Variants in PBX1 observed in about 807,000 individuals in gnomAD.
PBX1 encodes pre-B-cell leukemia transcription factor 1.
Under a neutral mutation model 53.4 loss-of-function variants are expected in PBX1, and 6 were observed. The ratio of observed to expected loss-of-function variants is 0.11; its 90% CI spans 0.06 to 0.22. The LOEUF (loss-of-function observed/expected upper bound fraction) is 0.22. Among genes scored for constraint, PBX1 ranks in the 10% least tolerant of loss-of-function variants. The pLI, the probability that PBX1 is intolerant of heterozygous loss-of-function variation, is 1.00. For synonymous variants in PBX1, 204 were observed against 212.3 expected (o/e 0.96, Z 0.34); for missense variants, 251 against 551.4 (o/e 0.46, Z 5.46).
intron 5 of PBX1, among the ~76,000 whole-genome samples, chr1:164,808,101 G>A (rs1443235887): frequency 1.3e-5 from 2 of 152,122 alleles, no homozygotes; most frequent in South Asian, 2.1e-4. Flanking sequence ...TTGTTATATA[G>A]CCTTTTAAAT....
At chr1:164,681,361 A>T (rs1307378699) in intron 2 of PBX1, among the ~76,000 whole-genome samples, 1 of 152,236 alleles carries the variant, frequency 6.6e-6, no homozygotes, top group Non-Finnish European at 1.5e-5. Flanking sequence ...CTGTATATAC[A>T]TATTCATATG....
chr1:164,781,724 T>C (rs932486496), intron 2 of PBX1, among the ~76,000 whole-genome samples: 4 of 152,146 alleles, frequency 2.6e-5, no homozygotes, highest in African/African-American at 9.7e-5. Context: ...GGGCCTTCTT[T>C]TGCCTCTGCT....
intron 2 of PBX1, chr1:164,769,981 G>A (rs547039790): frequency 6.6e-6 from 1 of 152,266 alleles, no homozygotes; most frequent in South Asian, 2.1e-4. Context: ...AGTGCAAAGA[G>A]CATGGACATT....
intron 2 of PBX1, among the ~76,000 whole-genome samples, chr1:164,870,264 T>C (rs1251754210): frequency 2.5e-5 from 2 of 78,522 alleles, no homozygotes; most frequent in East Asian, 6.6e-4. Context: ...CTTCCTTCCT[T>C]CCTTCTTTCT....
chr1:164,628,355 C>G (rs1658183837), intron 2 of PBX1, among the ~76,000 whole-genome samples: 1 of 152,154 alleles, frequency 6.6e-6, no homozygotes, highest in African/African-American at 2.4e-5. Context: ...CTCTGGGTTG[C>G]AATGGTCTCT....
chr1:164,847,162 T>C lies in PBX1; in HGVS notation c.*486T>C. On this transcript the variant is annotated 3_prime_UTR_variant, in exon 9 of 9. Coordinates refer to ENST00000420696, the MANE Select transcript of PBX1 (RefSeq NM_002585.4). ...AATCCTTCTCTGTTTCTCTTATTAC[T>C]CTCACTACCTCTTAGCAGGAATACT... 9.2e-7 allele frequency: 1 copy of C among 1,087,324 alleles called. No homozygotes were observed. The highest frequency in any genetic ancestry group is 4.5e-5 in the East Asian group (1 of 22,398). The allele number at this position is 1,087,324 out of a possible 1,614,324, so 67.4% of individuals were successfully genotyped here. A position where few individuals can be genotyped will look rare whatever the true frequency, so the allele number is the denominator to read the frequency against.
intron 2 of PBX1, among the ~76,000 whole-genome samples, chr1:164,756,418 T>C (rs1666526332): frequency 6.6e-6 from 1 of 152,250 alleles, no homozygotes; most frequent in South Asian, 2.1e-4. Context: ...GTTGTTTTTT[T>C]CAGAGATAAT....
chr1:164,801,624 G>A (rs865790231), intron 4 of PBX1, among the ~76,000 whole-genome samples: 1 of 152,148 alleles, frequency 6.6e-6, no homozygotes, highest in Non-Finnish European at 1.5e-5. Flanking sequence ...GGTTTTGTAC[G>A]CAAGTTTCTT....
At chr1:164,749,153 C>T (rs772672245) in intron 2 of PBX1, among the ~76,000 whole-genome samples, 4 of 152,108 alleles carry the variant, frequency 2.6e-5, no homozygotes, top group Non-Finnish European at 5.9e-5. Flanking sequence ...AGCTGATAGC[C>T]CTGCCCTTCA....
chr1:164,793,186 T>C (rs778001755), intron 3 of PBX1, among the ~76,000 whole-genome samples: 27 of 152,162 alleles, frequency 1.8e-4, no homozygotes, highest in Non-Finnish European at 2.9e-4. Flanking sequence ...TTTTTCTGGG[T>C]GCTCATAGTA....
intron 2 of PBX1, among the ~76,000 whole-genome samples, chr1:164,768,040 C>T (rs1023764012): frequency 2.6e-5 from 4 of 151,440 alleles, no homozygotes; most frequent in Non-Finnish European, 4.4e-5. Flanking sequence ...GCCTACTTAA[C>T]GAAAACAACT....
At chr1:164,837,209 G>T (rs550910687) in intron 8 of PBX1, among the ~76,000 whole-genome samples, 1 of 152,276 alleles carries the variant, frequency 6.6e-6, no homozygotes, top group East Asian at 1.9e-4. Context: ...TACAATCTCT[G>T]TGTGTACCCT....
At chr1:164,609,695 C>T (rs767614945) in intron 2 of PBX1, among the ~76,000 whole-genome samples, 7 of 152,064 alleles carry the variant, frequency 4.6e-5, no homozygotes, top group Non-Finnish European at 8.8e-5. Context: ...CTTTCTGTTG[C>T]GCTTGGTAAG....
At chr1:164,863,109 G>A (rs141486648) in intron 2 of PBX1, among the ~76,000 whole-genome samples, 2 of 152,312 alleles carry the variant, frequency 1.3e-5, no homozygotes, top group South Asian at 2.1e-4. Flanking sequence ...TTTCCCAAAG[G>A]GGGGAAATGA....
chr1:164,835,980 A>G (rs931237641), intron 8 of PBX1, among the ~76,000 whole-genome samples: 3 of 152,202 alleles, frequency 2.0e-5, no homozygotes, highest in Non-Finnish European at 4.4e-5. Flanking sequence ...ACCTAGAGAT[A>G]TGTTAGTGGA....
intron 2 of PBX1, among the ~76,000 whole-genome samples, chr1:164,632,009 A>G (rs991951484): frequency 1.3e-5 from 2 of 152,256 alleles, no homozygotes; most frequent in African/African-American, 4.8e-5. Flanking sequence ...GAGCACTGGC[A>G]TAAGCCACAA....
chr1:164,753,271 T>C (rs1160429145), intron 2 of PBX1, among the ~76,000 whole-genome samples: 1 of 152,264 alleles, frequency 6.6e-6, no homozygotes, highest in Admixed American at 6.5e-5. Context: ...TGAGATGTTT[T>C]AGGTGGTGTA....
intron 2 of PBX1, among the ~76,000 whole-genome samples, chr1:164,788,784 G>C (rs1442010644): frequency 3.0e-5 from 1 of 33,218 alleles, no homozygotes; most frequent in African/African-American, 1.2e-4. Flanking sequence ...TCATTCTTTT[G>C]TTTTCTTCAG....
intron 2 of PBX1, among the ~76,000 whole-genome samples, chr1:164,568,508 C>A (rs1293612056): frequency 6.6e-6 from 1 of 152,024 alleles, no homozygotes; most frequent in East Asian, 1.9e-4. Context: ...CCTTTACCTG[C>A]AATGGTGTGG....
Sources: allele counts gnomAD v4.1 joint callset (sites outside exome capture counted in the v4.1 genomes callset), GRCh38; gene constraint gnomAD v4.1.1; transcripts MANE v1.5; gene names NCBI Gene and HGNC (gene_info 2026-07-23, HGNC 2026-07-21).